Variants in DPY19L2 observed in about 807,000 individuals in gnomAD.
DPY19L2 encodes the protein probable C-mannosyltransferase DPY19L2.
A neutral mutation model predicts 97.9 loss-of-function variants in DPY19L2; 34 were observed. The observed-to-expected ratio is 0.35, with a 90% CI of 0.26 to 0.46. The LOEUF (loss-of-function observed/expected upper bound fraction) is 0.46, where lower values mean the gene tolerates loss of function less well. DPY19L2 is among the 20% of genes least tolerant of loss of function. DPY19L2 has a pLI of 1.00. For synonymous variants in DPY19L2, 230 were observed against 307.9 expected (o/e 0.75, Z 2.65); for missense variants, 623 against 911.4 (o/e 0.68, Z 4.07).
At chr12:63,661,621 A>C in intron 3 of DPY19L2, 140 bp from the exon 4 acceptor site, 1 of 641,834 alleles carries the variant, frequency 1.6e-6, no homozygotes, top group Non-Finnish European at 2.4e-6. Flanking sequence ...GCTATTTTGC[A>C]TTCTTGGTTT....
intron 4 of DPY19L2, among the ~76,000 whole-genome samples, chr12:63,648,215 T>C (rs1893695686): frequency 6.6e-6 from 1 of 152,296 alleles, no homozygotes; most frequent in East Asian, 1.9e-4. Context: ...TTGGACTTCC[T>C]TGGACTCCAG....
chr12:63,647,618 C>T (rs1041180049), intron 4 of DPY19L2, among the ~76,000 whole-genome samples: 5 of 152,054 alleles, frequency 3.3e-5, no homozygotes, highest in African/African-American at 7.2e-5. Context: ...AATTCCAACA[C>T]ATTTTTTGTT....
chr12:63,662,408 T>C (rs957185733), intron 3 of DPY19L2, among the ~76,000 whole-genome samples: 4 of 152,144 alleles, frequency 2.6e-5, no homozygotes, highest in Non-Finnish European at 4.4e-5. Context: ...ATAAAGAATT[T>C]TCCTTTCTGC....
intron 21 of DPY19L2, among the ~76,000 whole-genome samples, chr12:63,568,178 C>T (rs528857475): frequency 7.2e-5 from 11 of 151,882 alleles, no homozygotes; most frequent in Non-Finnish European, 1.2e-4. Flanking sequence ...ATCTTTTTGG[C>T]TCCTGTTCTT....
At chr12:63,659,744 T>C (rs1411803845) in intron 4 of DPY19L2, among the ~76,000 whole-genome samples, 1 of 152,100 alleles carries the variant, frequency 6.6e-6, no homozygotes, top group South Asian at 2.1e-4. Flanking sequence ...ATGGAGCATT[T>C]TTTGGCATTC....
intron 7 of DPY19L2, among the ~76,000 whole-genome samples, 163 bp downstream of exon 7, chr12:63,626,306 C>T (rs1259126484): frequency 6.6e-6 from 1 of 151,682 alleles, no homozygotes; most frequent in Non-Finnish European, 1.5e-5. Context: ...GCTATTTAAA[C>T]ATTTCAATCA....
intron 12 of DPY19L2, among the ~76,000 whole-genome samples, chr12:63,604,938 T>C (rs1399633672): frequency 3.9e-5 from 6 of 152,182 alleles, no homozygotes; most frequent in South Asian, 2.1e-4. Flanking sequence ...TTTTATATTA[T>C]GTTAGAGACT....
chr12:63,629,429 C>T (rs1164312046), intron 6 of DPY19L2, among the ~76,000 whole-genome samples: 1 of 152,114 alleles, frequency 6.6e-6, no homozygotes, highest in Non-Finnish European at 1.5e-5. Flanking sequence ...GCACAAGCCT[C>T]AGTAGCCAAT....
intron 4 of DPY19L2, among the ~76,000 whole-genome samples, chr12:63,658,551 GATTTT>G (rs967920032): frequency 6.6e-5 from 10 of 152,084 alleles, no homozygotes; most frequent in African/African-American, 2.4e-4. Context: ...ACTGTCTTTT[GATTTT>G]ATTTCTTTTC....
intron 6 of DPY19L2, among the ~76,000 whole-genome samples, chr12:63,643,859 A>C (rs1893029029): frequency 6.6e-6 from 1 of 152,104 alleles, no homozygotes; most frequent in South Asian, 2.1e-4. Context: ...ATTGGCAAAA[A>C]CTAGCTGATA....
Position 63,563,182 on chromosome 12 carries a change from A to G in DPY19L2, c.2127-2520T>C, listed in dbSNP as rs528870529. On this transcript the variant is annotated intron_variant, in intron 21 of 21. Coordinates refer to ENST00000324472, the MANE Select transcript of DPY19L2 (RefSeq NM_173812.5). Reference sequence around the variant, plus strand: ...ATCTAGAGAAAGTCCTTTATCAGACATAGGCTTTGAAAATATTTTCTCCCA... The same window carrying G: ...ATCTAGAGAAAGTCCTTTATCAGACGTAGGCTTTGAAAATATTTTCTCCCA... 5.5e-4 allele frequency among the ~76,000 whole-genome samples: 83 copies of G among 152,244 alleles called. 1 individual carries two copies. The highest frequency in any genetic ancestry group is 1.9e-3 in the African/African-American group (80 of 41,550).
chr12:63,589,389 A>AAAAAAAAAAAAAAAAT (rs1882471460), intron 16 of DPY19L2, among the ~76,000 whole-genome samples: 1 of 130,356 alleles, frequency 7.7e-6, no homozygotes, highest in Non-Finnish European at 1.6e-5. Flanking sequence ...AAAAAAAAAA[A>AAAAAAAAAAAAAAAAT]AAAGTAAAGC....
chr12:63,664,274 T>C (rs1592780494), intron 2 of DPY19L2, among the ~76,000 whole-genome samples: 1 of 151,856 alleles, frequency 6.6e-6, no homozygotes. Flanking sequence ...GAGGTGGAGG[T>C]TGCAGTAAGC....
chr12:63,625,059 T>C (rs1314740942), intron 7 of DPY19L2, among the ~76,000 whole-genome samples: 1 of 152,176 alleles, frequency 6.6e-6, no homozygotes, highest in Non-Finnish European at 1.5e-5. Flanking sequence ...GATTCCTTTA[T>C]CTAATTGATT....
At chr12:63,635,801 A>C (rs1891574750) in intron 6 of DPY19L2, among the ~76,000 whole-genome samples, 1 of 152,206 alleles carries the variant, frequency 6.6e-6, no homozygotes, top group South Asian at 2.1e-4. Flanking sequence ...TCTACGGCTG[A>C]TCGGTGTACC....
intron 4 of DPY19L2, among the ~76,000 whole-genome samples, chr12:63,658,430 G>C (rs888879491): frequency 3.3e-5 from 5 of 152,122 alleles, no homozygotes; most frequent in Non-Finnish European, 5.9e-5. Flanking sequence ...GGAGGCAGAG[G>C]CTACAGGGAG....
chr12:63,662,809 T>G (rs187331130), intron 3 of DPY19L2, among the ~76,000 whole-genome samples: 257 of 152,322 alleles, frequency 1.7e-3, no homozygotes, highest in African/African-American at 5.5e-3. Flanking sequence ...CATATGTTAA[T>G]GTATCCAATG....
chr12:63,646,247 T>A (rs919558044), intron 5 of DPY19L2, among the ~76,000 whole-genome samples: 1 of 152,150 alleles, frequency 6.6e-6, no homozygotes, highest in African/African-American at 2.4e-5. Flanking sequence ...ACTTATCACT[T>A]ATTGGGAATG....
intron 14 of DPY19L2, 48 bp downstream of exon 14, chr12:63,597,761 G>C (rs763183357): frequency 2.0e-6 from 3 of 1,529,488 alleles, no homozygotes; most frequent in Non-Finnish European, 2.7e-6. Flanking sequence ...AAAAAACCTA[G>C]AGCAAAAAAC....
Sources: gnomAD v4.1 joint callset for allele counts (sites outside exome capture counted in the v4.1 genomes callset) on GRCh38, gnomAD v4.1.1 for gene constraint, MANE v1.5 for transcripts, NCBI Gene and HGNC (gene_info 2026-07-23, HGNC 2026-07-21) for gene names.